The following PSMA1 variants were observed in gnomAD, a reference collection of about 807,000 sequenced individuals.
PSMA1 encodes the protein proteasome 20S subunit alpha 1.
Under a neutral mutation model 38.4 loss-of-function variants are expected in PSMA1, and 3 were observed. The observed-to-expected ratio is 0.08, with a 90% confidence interval of 0.04 to 0.20. The LOEUF (loss-of-function observed/expected upper bound fraction) is 0.20. Ranked by LOEUF, PSMA1 falls within the 10% of genes least tolerant of loss-of-function variation. The pLI, the probability that PSMA1 is intolerant of heterozygous loss-of-function variation, is 1.00. For missense variants in PSMA1, 227 were observed against 325.3 expected, an observed-to-expected ratio of 0.70 and a Z score of 2.32; for synonymous variants, 101 against 107.1, an observed-to-expected ratio of 0.94 and a Z score of 0.35.
intron 2 of PSMA1, among the ~76,000 whole-genome samples, chr11:14,538,077 G>A (rs1851730689): frequency 6.6e-6 from 1 of 151,602 alleles, no homozygotes; most frequent in South Asian, 2.1e-4. Flanking sequence ...TAACTGAGGG[G>A]GTATAATATA....
intron 1 of PSMA1, among the ~76,000 whole-genome samples, chr11:14,622,366 T>TA (rs1211680310): frequency 6.6e-6 from 1 of 152,244 alleles, no homozygotes; most frequent in Admixed American, 6.5e-5. Flanking sequence ...CCTTCTGTCA[T>TA]AATATACTCT....
At chr11:14,556,103 C>G (rs1851938581) in intron 2 of PSMA1, among the ~76,000 whole-genome samples, 1 of 152,126 alleles carries the variant, frequency 6.6e-6, no homozygotes, top group Non-Finnish European at 1.5e-5. Context: ...TCCACATCCC[C>G]CTTTTGTTGG....
At chr11:14,513,965 G>C in intron 5 of PSMA1, 78 bp from the exon 6 acceptor site, 2 of 1,444,652 alleles carry the variant, frequency 1.4e-6, no homozygotes, top group South Asian at 3.0e-5. Context: ...TATTAACAAA[G>C]GTCTCTGGCT....
At chr11:14,593,915 A>C (rs922942594) in intron 2 of PSMA1, among the ~76,000 whole-genome samples, 3 of 152,272 alleles carry the variant, frequency 2.0e-5, no homozygotes, top group African/African-American at 7.2e-5. Flanking sequence ...TGCTTCCCTA[A>C]GCCAATTGCT....
chr11:14,607,664 T>A (rs1852659516), intron 2 of PSMA1, among the ~76,000 whole-genome samples: 1 of 152,072 alleles, frequency 6.6e-6, no homozygotes, highest in South Asian at 2.1e-4. Context: ...AGGGAATGCC[T>A]CCAAAGCATG....
chr11:14,507,585 T>C (rs1851265913), intron 9 of PSMA1, 71 bp downstream of exon 9: 1 of 1,080,994 alleles, frequency 9.3e-7, no homozygotes, highest in East Asian at 2.4e-5. Flanking sequence ...AATGGAAAAT[T>C]TACAGACACA....
intron 2 of PSMA1, among the ~76,000 whole-genome samples, chr11:14,547,860 GA>G (rs1418731414): frequency 6.6e-6 from 1 of 152,142 alleles, no homozygotes; most frequent in Non-Finnish European, 1.5e-5. Context: ...GATTTACTGT[GA>G]TTCTGATTGG....
chr11:14,530,901 CAAAA>C (rs10670662), intron 2 of PSMA1, among the ~76,000 whole-genome samples: 1 of 108,028 alleles, frequency 9.3e-6, no homozygotes. Context: ...GACTCCGTCT[CAAAA>C]AAAAAAAAAA....
At chr11:14,597,536 G>A (rs568924714) in intron 2 of PSMA1, among the ~76,000 whole-genome samples, 1 of 152,322 alleles carries the variant, frequency 6.6e-6, no homozygotes, top group East Asian at 1.9e-4. Flanking sequence ...TTGCGTAGAG[G>A]TGTTTATAGC....
chr11:14,611,782 CTCT>C (rs1852712052), intron 1 of PSMA1, among the ~76,000 whole-genome samples: 1 of 152,124 alleles, frequency 6.6e-6, no homozygotes, highest in African/African-American at 2.4e-5. Flanking sequence ...TGCTCTCTCT[CTCT>C]TCTCTCCTTC....
intron 1 of PSMA1, among the ~76,000 whole-genome samples, chr11:14,638,560 TATATATATATATATATATATATA>T (rs1853148571): frequency 1.6e-4 from 2 of 12,680 alleles, no homozygotes; most frequent in African/African-American, 5.1e-4. Context: ...TATATATATA[TATATATATATATATATATATATA>T]TATTTTTTTT....
At chr11:14,530,529 C>A (rs564776437) in intron 2 of PSMA1, among the ~76,000 whole-genome samples, 1 of 152,090 alleles carries the variant, frequency 6.6e-6, no homozygotes, top group East Asian at 1.9e-4. Context: ...AATCAGGAGC[C>A]GCTGGAGGAT....
At chr11:14,531,371 CAT>C (rs1851646250) in intron 2 of PSMA1, among the ~76,000 whole-genome samples, 2 of 152,160 alleles carry the variant, frequency 1.3e-5, no homozygotes, top group Admixed American at 6.5e-5. Flanking sequence ...TAAGTGAGAA[CAT>C]GTGGTATTTG....
intron 1 of PSMA1, among the ~76,000 whole-genome samples, chr11:14,614,141 A>C (rs902379760): frequency 2.6e-5 from 4 of 152,186 alleles, no homozygotes. Context: ...CAAGTGTTAA[A>C]TATAACAAGC....
intron 1 of PSMA1, among the ~76,000 whole-genome samples, chr11:14,631,261 G>T (rs1052780223): frequency 6.6e-6 from 1 of 152,120 alleles, no homozygotes; most frequent in African/African-American, 2.4e-5. Flanking sequence ...TGATGTTAGT[G>T]TGTCAATTTT....
chr11:14,512,910 C>A (rs1403735845), intron 7 of PSMA1, among the ~76,000 whole-genome samples: 2 of 152,190 alleles, frequency 1.3e-5, no homozygotes, highest in East Asian at 3.8e-4. Flanking sequence ...CCTCTTTTCC[C>A]AAAGTTAAAC....
chr11:14,584,503 T>G (rs1460527756), intron 2 of PSMA1, among the ~76,000 whole-genome samples: 1 of 149,370 alleles, frequency 6.7e-6, no homozygotes, highest in African/African-American at 2.5e-5. Context: ...TTTTTTTGTT[T>G]TTTGTTTTTT....
rs183301246 is a variant in PSMA1 at position 14,606,884 on chromosome 11, G to A, written c.21+4082C>T. Among the ~76,000 whole-genome samples, 993 of 152,278 alleles carry A rather than the reference G, an allele frequency of 6.5e-3. 6 individuals are homozygous for A. The highest frequency in any genetic ancestry group is 8.2e-3 in the Non-Finnish European group (555 of 68,028). On this transcript the variant is annotated intron_variant, in intron 2 of 10. Transcript: ENST00000418988. ...TAAGCTGCTAAAGGCCAGAATTGAG[G>A]ATGTGGCTTAGATGTGTGGGAATAA...
At chr11:14,505,593 TTTTG>T (rs1484461884) in intron 9 of PSMA1, among the ~76,000 whole-genome samples, 2 of 152,014 alleles carry the variant, frequency 1.3e-5, no homozygotes, top group Non-Finnish European at 2.9e-5. Flanking sequence ...TGAAGCTTTT[TTTTG>T]TTTGTTTGTT....
Sources: allele counts gnomAD v4.1 joint callset (sites outside exome capture counted in the v4.1 genomes callset), GRCh38; gene constraint gnomAD v4.1.1; transcripts MANE v1.5; gene names NCBI Gene and HGNC (gene_info 2026-07-23, HGNC 2026-07-21).